DIP2B: variants seen among roughly 807,000 people sequenced by gnomAD.
DIP2B encodes disco-interacting protein 2 homolog B.
A neutral mutation model predicts 198.0 loss-of-function variants in DIP2B; 76 were observed. The observed-to-expected ratio is 0.38, with a 90% CI of 0.32 to 0.46. The LOEUF (loss-of-function observed/expected upper bound fraction) is 0.46. DIP2B is among the 20% of genes least tolerant of loss of function. DIP2B has a pLI of 0.99. For missense variants in DIP2B, 1,559 were observed against 1,978.4 expected (o/e 0.79, Z 4.02); for synonymous variants, 701 against 739.1 (o/e 0.95, Z 0.84).
chr12:50,531,281 C>G (rs1958214795), intron 1 of DIP2B, among the ~76,000 whole-genome samples: 1 of 152,096 alleles, frequency 6.6e-6, no homozygotes, highest in Admixed American at 6.6e-5. Context: ...ATCTCCTGAC[C>G]TTGTGATCCG....
chr12:50,520,460 A>G (rs1958107421), intron 1 of DIP2B, among the ~76,000 whole-genome samples: 1 of 152,196 alleles, frequency 6.6e-6, no homozygotes, highest in Admixed American at 6.5e-5. Flanking sequence ...AAAGTCATTC[A>G]TGATTTATTT....
intron 1 of DIP2B, among the ~76,000 whole-genome samples, chr12:50,615,603 C>T (rs1160702534): frequency 6.6e-6 from 1 of 151,892 alleles, no homozygotes; most frequent in Non-Finnish European, 1.5e-5. Context: ...CTAGATAATC[C>T]TTTTAAAGAT....
chr12:50,542,268 A>T (rs926393050), intron 1 of DIP2B, among the ~76,000 whole-genome samples: 8 of 151,706 alleles, frequency 5.3e-5, no homozygotes, highest in Admixed American at 5.3e-4. Flanking sequence ...AAAAAAAAGA[A>T]AAAAAAGAAA....
At chr12:50,590,903 A>G (rs1958813382) in intron 1 of DIP2B, among the ~76,000 whole-genome samples, 1 of 152,178 alleles carries the variant, frequency 6.6e-6, no homozygotes, top group Non-Finnish European at 1.5e-5. Flanking sequence ...TTGCCTCCAA[A>G]ATTCAGGTGT....
chr12:50,740,579 G>T (rs1393035114), intron 36 of DIP2B, among the ~76,000 whole-genome samples: 2 of 152,192 alleles, frequency 1.3e-5, no homozygotes, highest in Non-Finnish European at 2.9e-5. Flanking sequence ...GAGCTCACCA[G>T]GTGATGGGAG....
intron 1 of DIP2B, among the ~76,000 whole-genome samples, chr12:50,517,269 G>GT (rs1400076622): frequency 1.3e-5 from 2 of 151,812 alleles, no homozygotes; most frequent in Non-Finnish European, 2.9e-5. Flanking sequence ...TAGAGATGGG[G>GT]TTTTGCATTG....
intron 22 of DIP2B, among the ~76,000 whole-genome samples, chr12:50,710,939 A>G (rs1285649477): frequency 1.3e-5 from 2 of 152,220 alleles, no homozygotes; most frequent in Non-Finnish European, 2.9e-5. Context: ...CATACCAATC[A>G]TATTTTCAGT....
rs763917713 is a variant in DIP2B at position 50,721,240 on chromosome 12, C to T, written c.3043-33C>T. ...TATTACTGTTTATTTCCTTTCTGAG[C>T]TTTGACCCGCTTATCCTTTCTGTTG... On this transcript the variant is annotated intron_variant, in intron 25 of 37. Coordinates refer to ENST00000301180, the MANE Select transcript of DIP2B (RefSeq NM_173602.3). 2.5e-6 allele frequency: 4 copies of T among 1,607,064 alleles called. No homozygotes were observed. In the African/African-American group the frequency reaches 5.4e-5, roughly 22 times the overall value.
chr12:50,518,385 C>T (rs527696409), intron 1 of DIP2B, among the ~76,000 whole-genome samples: 9 of 152,126 alleles, frequency 5.9e-5, no homozygotes, highest in African/African-American at 9.6e-5. Flanking sequence ...CTACCATGCC[C>T]GGCTAATTTT....
chr12:50,603,556 T>C (rs984419153), intron 1 of DIP2B, among the ~76,000 whole-genome samples: 1 of 151,798 alleles, frequency 6.6e-6, no homozygotes, highest in East Asian at 1.9e-4. Flanking sequence ...CTGGGCGACA[T>C]GGTGAAATCC....
intron 1 of DIP2B, among the ~76,000 whole-genome samples, chr12:50,577,344 A>T (rs1007108379): frequency 6.6e-6 from 1 of 151,886 alleles, no homozygotes; most frequent in Non-Finnish European, 1.5e-5. Context: ...ATCCGGGCTA[A>T]CACAGTGAAA....
chr12:50,523,616 C>T (rs74090202), intron 1 of DIP2B, among the ~76,000 whole-genome samples: 295 of 152,194 alleles, frequency 1.9e-3, no homozygotes, highest in East Asian at 0.011. Context: ...AATTTAGAAA[C>T]GGAATAGTGA....
Position 50,718,804 on chromosome 12 carries a change from G to T in DIP2B, c.2947G>T (p.Asp983Tyr). 2.5e-6 allele frequency: 4 copies of T among 1,614,130 alleles called. No individual in the cohort carries two copies. The highest frequency in any genetic ancestry group is 1.1e-5 in the South Asian group (1 of 91,060). ...GRDLGQIEEN[D>Y]LVRKHQFLAE... ...GGATCTGGGACAAATAGAAGAGAAT[G>T]ATTTGGTGAGGAAGGTAAGTGTTCC... Residue 983 changes from aspartate to tyrosine, a missense_variant, in exon 24 of 38, where the codon GAT becomes TAT. Transcript: ENST00000301180.
intron 1 of DIP2B, among the ~76,000 whole-genome samples, chr12:50,513,280 G>T (rs1423524452): frequency 6.6e-6 from 1 of 152,164 alleles, no homozygotes; most frequent in Non-Finnish European, 1.5e-5. Context: ...AGTTGTTCCT[G>T]TTGGCACCTA....
intron 1 of DIP2B, among the ~76,000 whole-genome samples, chr12:50,561,430 T>A (rs1313484062): frequency 6.8e-6 from 1 of 147,310 alleles, no homozygotes; most frequent in Non-Finnish European, 1.5e-5. Flanking sequence ...ACCTAGTTAA[T>A]TTTTTTTTTT....
In DIP2B at chr12:50,585,297, T is replaced by C. The variant is rs144735382; in HGVS notation, c.101-40679T>C. Among the ~76,000 whole-genome samples the C allele has an allele frequency of 4.3e-4, 66 of 152,344 alleles. 1 individual carries two copies. The highest frequency in any genetic ancestry group is 1.5e-3 in the African/African-American group (62 of 41,576). Reference sequence around the variant, plus strand: ...ATTGGAAATAGAGCATTGGGCAAGGTAGACACACTCAGGAAGCTTATGTAT... The same window carrying C: ...ATTGGAAATAGAGCATTGGGCAAGGCAGACACACTCAGGAAGCTTATGTAT... On this transcript the variant is annotated intron_variant, in intron 1 of 37. Transcript: ENST00000301180.
intron 12 of DIP2B, among the ~76,000 whole-genome samples, chr12:50,690,069 T>C (rs987464181): frequency 2.6e-5 from 4 of 152,084 alleles, no homozygotes; most frequent in Non-Finnish European, 5.9e-5. Context: ...TTCTCATTAT[T>C]GACCTTGGGA....
chr12:50,640,930 ATACT>A, intron 3 of DIP2B, 78 bp downstream of exon 3: 1 of 1,507,264 alleles, frequency 6.6e-7, no homozygotes, highest in Non-Finnish European at 8.9e-7. Context: ...AGAGCTTCTA[ATACT>A]TGTCTTTTTT....
intron 1 of DIP2B, among the ~76,000 whole-genome samples, chr12:50,605,602 C>T (rs1958974330): frequency 6.6e-6 from 1 of 152,104 alleles, no homozygotes; most frequent in Non-Finnish European, 1.5e-5. Context: ...GCAGTCAATT[C>T]CCTTTCCCCC....
Sources: allele counts gnomAD v4.1 joint callset (sites outside exome capture counted in the v4.1 genomes callset), GRCh38; gene constraint gnomAD v4.1.1; transcripts MANE v1.5; gene names NCBI Gene and HGNC (gene_info 2026-07-23, HGNC 2026-07-21).